The following LIN7A variants were observed in gnomAD, a reference collection of about 807,000 sequenced individuals.
The protein encoded by LIN7A is lin-7 cell polarity scaffold A, also known as protein lin-7 homolog A.
In LIN7A, 25 loss-of-function variants were observed where a neutral mutation model predicts 29.8. The ratio of observed to expected loss-of-function variants is 0.84; its 90% CI spans 0.61 to 1.17. The LOEUF (loss-of-function observed/expected upper bound fraction) is 1.17. Among genes scored for constraint, LIN7A ranks in the 50% most tolerant of loss-of-function variants. The pLI is 0.00. For missense variants in LIN7A, 239 were observed against 287.0 expected (o/e 0.83, Z 1.21); for synonymous variants, 118 against 107.5 (o/e 1.10, Z -0.60).
chr12:80,879,645 CAAAAAAAAAAAAAAAA>C (rs530877505), intron 2 of LIN7A, among the ~76,000 whole-genome samples: 3 of 58,732 alleles, frequency 5.1e-5, no homozygotes, highest in Non-Finnish European at 7.9e-5. Context: ...TGGAGCAGCC[CAAAAAAAAAAAAAAAA>C]AAAAAAAAAA....
intron 2 of LIN7A, among the ~76,000 whole-genome samples, chr12:80,888,653 T>C (rs569775659): frequency 5.8e-4 from 88 of 152,064 alleles, no homozygotes; most frequent in African/African-American, 2.1e-3. Context: ...TGGCTTCTTT[T>C]GTAACCAATT....
At position 80,809,971 on chromosome 12, in the gene LIN7A, G is replaced by A. The variant is rs555954821; in HGVS notation, c.*1494C>T. ...ATACATTGTGGAATGATCAAATCAG[G>A]CTACCAAAGTTGTTACCACAAATAC... On this transcript the variant is annotated intron_variant, in intron 5 of 5. Coordinates refer to ENST00000552864, the MANE Select transcript of LIN7A (RefSeq NM_004664.4). 2.8e-4 allele frequency among the ~76,000 whole-genome samples: 43 copies of A among 152,240 alleles called. 1 individual carries two copies. In the South Asian group the frequency reaches 8.5e-3, roughly 30 times the overall value.
chr12:80,826,802 C>T (rs1386788050), intron 4 of LIN7A, among the ~76,000 whole-genome samples: 1 of 152,146 alleles, frequency 6.6e-6, no homozygotes, highest in East Asian at 1.9e-4. Flanking sequence ...GGATTACAGG[C>T]GTGAGCCACC....
intron 1 of LIN7A, among the ~76,000 whole-genome samples, chr12:80,890,334 G>T (rs951351073): frequency 2.6e-5 from 4 of 151,980 alleles, no homozygotes; most frequent in Non-Finnish European, 5.9e-5. Context: ...TGAGGTTTTC[G>T]ATTCCTAAGT....
At chr12:80,823,015 A>T (rs1871887506) in intron 4 of LIN7A, among the ~76,000 whole-genome samples, 1 of 152,168 alleles carries the variant, frequency 6.6e-6, no homozygotes, top group South Asian at 2.1e-4. Context: ...CAAACCCCAG[A>T]TTCAGCCAGA....
intron 1 of LIN7A, among the ~76,000 whole-genome samples, chr12:80,894,396 C>T (rs531091277): frequency 6.6e-6 from 1 of 152,314 alleles, no homozygotes; most frequent in Non-Finnish European, 1.5e-5. Flanking sequence ...GAATACCACT[C>T]TCCCAATGCA....
At chr12:80,910,723 C>T (rs996686307) in intron 1 of LIN7A, among the ~76,000 whole-genome samples, 3 of 152,134 alleles carry the variant, frequency 2.0e-5, no homozygotes, top group African/African-American at 7.2e-5. Context: ...TCCACTTGAT[C>T]AGAATACATT....
At chr12:80,897,842 T>A (rs1469811931) in intron 1 of LIN7A, among the ~76,000 whole-genome samples, 1 of 152,090 alleles carries the variant, frequency 6.6e-6, no homozygotes, top group Non-Finnish European at 1.5e-5. Flanking sequence ...TATAATTGAT[T>A]GCATTAAGTC....
At chr12:80,878,926 C>A (rs1028005383) in intron 2 of LIN7A, among the ~76,000 whole-genome samples, 1 of 152,116 alleles carries the variant, frequency 6.6e-6, no homozygotes, top group Non-Finnish European at 1.5e-5. Context: ...TCTTGTAAGA[C>A]AGAAAAGTTC....
chr12:80,915,696 A>T (rs988374519), intron 1 of LIN7A, among the ~76,000 whole-genome samples: 1 of 152,272 alleles, frequency 6.6e-6, no homozygotes, highest in Non-Finnish European at 1.5e-5. Context: ...GCAGCCATAA[A>T]AAAGAACAAA....
intron 1 of LIN7A, among the ~76,000 whole-genome samples, chr12:80,917,795 C>T (rs1417254665): frequency 6.6e-6 from 1 of 152,276 alleles, no homozygotes; most frequent in East Asian, 1.9e-4. Context: ...CTCCAGATTT[C>T]TGTTCCCTTT....
intron 1 of LIN7A, among the ~76,000 whole-genome samples, chr12:80,894,444 TCTCCCTCACA>T (rs369017842): frequency 2.0e-3 from 304 of 152,290 alleles, no homozygotes; most frequent in African/African-American, 7.0e-3. Context: ...GCCCCTTTGC[TCTCCCTCACA>T]CTCCCTCACA....
At chr12:80,900,843 C>A (rs562203622) in intron 1 of LIN7A, among the ~76,000 whole-genome samples, 2 of 152,052 alleles carry the variant, frequency 1.3e-5, no homozygotes, top group Non-Finnish European at 2.9e-5. Context: ...AGAATTCTTA[C>A]AAATATGAAT....
intron 1 of LIN7A, among the ~76,000 whole-genome samples, chr12:80,923,746 A>G (rs1002256105): frequency 6.6e-6 from 1 of 152,176 alleles, no homozygotes; most frequent in Non-Finnish European, 1.5e-5. Context: ...TATAGATTCT[A>G]TTACTGACCT....
chr12:80,860,417 C>A (rs1873806120), intron 2 of LIN7A, among the ~76,000 whole-genome samples: 1 of 152,214 alleles, frequency 6.6e-6, no homozygotes, highest in African/African-American at 2.4e-5. Context: ...TAGATGCCAA[C>A]TACTCTGGCC....
chr12:80,829,068 G>C (rs563417177), intron 4 of LIN7A, among the ~76,000 whole-genome samples: 3 of 151,860 alleles, frequency 2.0e-5, no homozygotes, highest in Non-Finnish European at 4.4e-5. Context: ...TGAGAGGAAA[G>C]GTCATTCTAG....
At chr12:80,856,098 AAAAAAAG>A (rs1010745105) in intron 2 of LIN7A, among the ~76,000 whole-genome samples, 2 of 152,130 alleles carry the variant, frequency 1.3e-5, no homozygotes, top group African/African-American at 4.8e-5. Flanking sequence ...CATTTTTTGC[AAAAAAAG>A]AAAAAAGAAA....
intron 5 of LIN7A, among the ~76,000 whole-genome samples, chr12:80,807,476 T>C (rs1871101072): frequency 6.7e-6 from 1 of 149,724 alleles, no homozygotes; most frequent in African/African-American, 2.6e-5. Context: ...GATGATTGAA[T>C]GAGCATAATA....
intron 1 of LIN7A, among the ~76,000 whole-genome samples, chr12:80,926,694 C>T (rs1024346504): frequency 6.6e-6 from 1 of 151,970 alleles, no homozygotes; most frequent in Non-Finnish European, 1.5e-5. Context: ...CTTTGGGAGG[C>T]CGAGGCAGGT....
Sources: gnomAD v4.1 joint callset for allele counts (sites outside exome capture counted in the v4.1 genomes callset) on GRCh38, gnomAD v4.1.1 for gene constraint, MANE v1.5 for transcripts, NCBI Gene and HGNC (gene_info 2026-07-23, HGNC 2026-07-21) for gene names.